The following CALCRL variants were observed in gnomAD, a reference collection of about 807,000 sequenced individuals.
The protein encoded by CALCRL is calcitonin receptor like receptor.
Under a neutral mutation model 60.4 loss-of-function variants are expected in CALCRL, and 27 were observed. That is an observed-to-expected ratio of 0.45 (90% CI 0.33 to 0.62). The LOEUF (loss-of-function observed/expected upper bound fraction) is 0.62. Among genes scored for constraint, CALCRL ranks in the 20% least tolerant of loss-of-function variants. The pLI is 0.03. For synonymous variants in CALCRL, 190 were observed against 182.6 expected (o/e 1.04, Z -0.33); for missense variants, 424 against 540.7 (o/e 0.78, Z 2.14).
chr2:187,416,622 A>G (rs1689621727), intron 1 of CALCRL, among the ~76,000 whole-genome samples: 1 of 152,152 alleles, frequency 6.6e-6, no homozygotes, highest in Admixed American at 6.5e-5. Context: ...TTTGAGTCTG[A>G]TCCTTCTAGT....
chr2:187,407,100 T>C (rs1689170915), intron 1 of CALCRL, among the ~76,000 whole-genome samples: 1 of 152,032 alleles, frequency 6.6e-6, no homozygotes, highest in African/African-American at 2.4e-5. Context: ...TACGTCTGTT[T>C]TTGTTTTGTT....
At chr2:187,346,795 C>T (rs949351992) in intron 14 of CALCRL, among the ~76,000 whole-genome samples, 5 of 151,506 alleles carry the variant, frequency 3.3e-5, no homozygotes, top group African/African-American at 7.3e-5. Context: ...ACAGGATAAG[C>T]GAAAGATACA....
chr2:187,389,723 TCTAA>T (rs1309010069), intron 1 of CALCRL, among the ~76,000 whole-genome samples: 2 of 152,130 alleles, frequency 1.3e-5, no homozygotes, highest in African/African-American at 2.4e-5. Flanking sequence ...CACTGGGTAA[TCTAA>T]CTGAATATTT....
chr2:187,402,485 T>C (rs1201389253), intron 1 of CALCRL, among the ~76,000 whole-genome samples: 2 of 151,574 alleles, frequency 1.3e-5, no homozygotes, highest in African/African-American at 4.8e-5. Flanking sequence ...ATGATACTTT[T>C]CTGGAGTGTG....
intron 1 of CALCRL, among the ~76,000 whole-genome samples, chr2:187,407,112 T>G (rs1689171841): frequency 6.6e-6 from 1 of 152,054 alleles, no homozygotes; most frequent in Non-Finnish European, 1.5e-5. Flanking sequence ...TGTTTTGTTT[T>G]CTTTTTTATC....
rs1686205081 is a variant in CALCRL, at chr2:187,344,592, T to C, written c.*1592A>G. 1.3e-5 allele frequency: 2 copies of C among 151,716 alleles called. No homozygotes were observed. The highest frequency in any genetic ancestry group is 4.8e-5 in the African/African-American group (2 of 41,408). 9.4% of individuals were successfully genotyped at this position (151,716 alleles called of 1,614,324 possible). A position where few individuals can be genotyped will look rare whatever the true frequency, so the allele number is the denominator to read the frequency against. ...AATTCATTAGCAAGGTTTTCTTCTATCTTTATTTAATAAAGTCTGACAATA... is the reference window on the plus strand; with the variant it reads ...AATTCATTAGCAAGGTTTTCTTCTACCTTTATTTAATAAAGTCTGACAATA... On this transcript the variant is annotated 3_prime_UTR_variant, in exon 15 of 15. Transcript: ENST00000392370.
chr2:187,405,207 C>T (rs1034125986), intron 1 of CALCRL, among the ~76,000 whole-genome samples: 1 of 151,918 alleles, frequency 6.6e-6, no homozygotes, highest in Non-Finnish European at 1.5e-5. Flanking sequence ...AATGGAATGT[C>T]TTGGTTTGGT....
chr2:187,440,910 A>G (rs1180380603), intron 1 of CALCRL, among the ~76,000 whole-genome samples: 1 of 152,120 alleles, frequency 6.6e-6, no homozygotes, highest in Admixed American at 6.6e-5. Flanking sequence ...AACAATATTT[A>G]GGAAAATCAT....
At chr2:187,436,737 C>T (rs1288269436) in intron 1 of CALCRL, 1 of 152,192 alleles carries the variant, frequency 6.6e-6, no homozygotes, top group Non-Finnish European at 1.5e-5. Flanking sequence ...CAAAGCATCT[C>T]AATTTATGTG....
intron 1 of CALCRL, among the ~76,000 whole-genome samples, chr2:187,424,556 A>G (rs1260987416): frequency 1.3e-5 from 2 of 152,046 alleles, no homozygotes; most frequent in Non-Finnish European, 2.9e-5. Context: ...TATTAGCAGG[A>G]CCCTATAGCT....
intron 12 of CALCRL, among the ~76,000 whole-genome samples, chr2:187,357,367 G>A (rs1686841501): frequency 1.3e-5 from 2 of 151,786 alleles, no homozygotes; most frequent in South Asian, 2.1e-4. Flanking sequence ...CATGGATGAA[G>A]CTAGAAATGA....
At chr2:187,439,942 T>A (rs1358310993) in intron 1 of CALCRL, among the ~76,000 whole-genome samples, 1 of 152,158 alleles carries the variant, frequency 6.6e-6, no homozygotes, top group Non-Finnish European at 1.5e-5. Context: ...TAAGGAAGAT[T>A]AGCATTCTTT....
In CALCRL at chr2:187,360,721, G is replaced by A; in HGVS notation, c.658C>T (p.Leu220Phe). The change falls in exon 10 of 15, where the codon CTT becomes TTT. Residue 220 changes from leucine (L) to phenylalanine (F), a missense_variant. This residue lies in a region of CALCRL where 43 missense variants were observed against 40.9 expected (regional missense o/e 1.05). Coordinates refer to ENST00000392370, the MANE Select transcript of CALCRL (RefSeq NM_005795.6). ...AAGTAATTACAGCCCATCAGGTAAA[G>A]ATGAATGAACTGGGACACTTTGCAA... is the stretch of plus-strand genomic sequence containing the variant. ...VSCKVSQFIH[L>F]YLMGCNYFWM... The A allele has an allele frequency of 3.7e-6, 6 of 1,611,714 alleles. No homozygotes were observed. The highest frequency in any genetic ancestry group is 5.1e-6 in the Non-Finnish European group (6 of 1,178,786).
intron 4 of CALCRL, 68 bp from the exon 5 acceptor site, chr2:187,383,373 C>T (rs1255795540): frequency 3.0e-6 from 4 of 1,341,874 alleles, no homozygotes; most frequent in Middle Eastern, 1.9e-4. Context: ...TTGTCAAAGG[C>T]AGTCTGTCAC....
At position 187,415,668 on chromosome 2, in the gene CALCRL, C is replaced by T. The variant is rs559898830; in HGVS notation, c.-292-27912G>A. ...GCCCCCTCAAGGACATTCTGGGCTA[C>T]ACTGAGCACCAGGTTGTCTCCTCCG... On this transcript the variant is annotated intron_variant, in intron 1 of 14. Coordinates refer to ENST00000392370, the MANE Select transcript of CALCRL (RefSeq NM_005795.6). The T allele has an allele frequency of 1.0e-4, 62 of 617,388 alleles. No individual in the cohort carries two copies. In the African/African-American group the frequency reaches 1.1e-3, roughly 10 times the overall value. The allele number at this position is 617,388 out of a possible 1,614,324, so 38.2% of individuals were successfully genotyped here. A position where few individuals can be genotyped will look rare whatever the true frequency, so the allele number is the denominator to read the frequency against.
At chr2:187,412,720 G>C (rs546334124) in intron 1 of CALCRL, among the ~76,000 whole-genome samples, 57 of 152,240 alleles carry the variant, frequency 3.7e-4, no homozygotes, top group Admixed American at 1.6e-3. Flanking sequence ...AGTGAGAGTT[G>C]AATCAAGCCT....
chr2:187,433,399 C>T (rs1690488343), intron 1 of CALCRL, among the ~76,000 whole-genome samples: 3 of 151,950 alleles, frequency 2.0e-5, no homozygotes, highest in East Asian at 3.9e-4. Context: ...GGTTAATAAA[C>T]ATGTTGCATA....
At chr2:187,387,806 T>C (rs931842432) in intron 1 of CALCRL, 50 bp from the exon 2 acceptor site, 1 of 389,598 alleles carries the variant, frequency 2.6e-6, no homozygotes, top group African/African-American at 2.1e-5. Flanking sequence ...ATGACCAAAA[T>C]TATTTCCATG....
At chr2:187,347,215 C>G (rs1686317403) in intron 14 of CALCRL, among the ~76,000 whole-genome samples, 1 of 151,738 alleles carries the variant, frequency 6.6e-6, no homozygotes, top group Non-Finnish European at 1.5e-5. Flanking sequence ...AGTCAATGGG[C>G]ACAAATGAGA....
Sources: allele counts gnomAD v4.1 joint callset (sites outside exome capture counted in the v4.1 genomes callset), GRCh38; gene constraint gnomAD v4.1.1; regional missense constraint gnomAD v4.1.1; transcripts MANE v1.5; gene names NCBI Gene and HGNC (gene_info 2026-07-23, HGNC 2026-07-21).